The following MGAT4C variants were observed in gnomAD, a reference collection of about 807,000 sequenced individuals.
MGAT4C encodes alpha-1,3-mannosyl-glycoprotein 4-beta-N-acetylglucosaminyltransferase C.
MGAT4C carries 19 observed loss-of-function variants against 40.1 expected under a neutral mutation model. The observed-to-expected ratio is 0.47, with a 90% CI of 0.33 to 0.70. The LOEUF is 0.70. Ranked by LOEUF, MGAT4C falls within the 30% of genes least tolerant of loss-of-function variation. The pLI is 0.02. For missense variants in MGAT4C, 491 were observed against 563.2 expected, an observed-to-expected ratio of 0.87 and a Z score of 1.30; for synonymous variants, 181 against 187.1, an observed-to-expected ratio of 0.97 and a Z score of 0.27.
In MGAT4C at chr12:85,963,663, A is replaced by C. The variant is rs1883224158; in HGVS notation, c.*15626T>G. The C allele has an allele frequency of 6.6e-6, 1 of 152,058 alleles. No individual in the cohort carries two copies. The highest frequency in any genetic ancestry group is 6.6e-5 in the Admixed American group (1 of 15,242). The allele number at this position is 152,058 out of a possible 1,614,324, so 9.4% of individuals were successfully genotyped here. A position where few individuals can be genotyped will look rare whatever the true frequency, so the allele number is the denominator to read the frequency against. Reference sequence around the variant, plus strand: ...CAATAGCCATTGAAAAAATCTGAACAGATATTATTGAGGCTCAAGGTTGTT... The same window carrying C: ...CAATAGCCATTGAAAAAATCTGAACCGATATTATTGAGGCTCAAGGTTGTT... On this transcript the variant is annotated 3_prime_UTR_variant, in exon 5 of 5. Coordinates refer to ENST00000611864, the MANE Select transcript of MGAT4C (RefSeq NM_001351288.2).
At chr12:86,718,928 C>T (rs73391182) in intron 2 of MGAT4C, among the ~76,000 whole-genome samples, 6,572 of 152,148 alleles carry the variant, frequency 0.043, 172 homozygotes, top group Non-Finnish European at 0.047. Flanking sequence ...CTGCTCTACA[C>T]GGTGGCCTTA....
rs1389545149 is a variant in MGAT4C at position 85,960,712 on chromosome 12, A to T, written c.*18577T>A. On this transcript the variant is annotated 3_prime_UTR_variant, in exon 5 of 5. Transcript: ENST00000611864. Reference sequence around the variant, plus strand: ...TGTGCTGAAGGAAATGATGGCATGAACAACTCTAGATAATTTTTGTTTATT... The same window carrying T: ...TGTGCTGAAGGAAATGATGGCATGATCAACTCTAGATAATTTTTGTTTATT... The T allele has an allele frequency of 6.6e-6, 1 of 151,908 alleles. No individual in the cohort carries two copies. Among genetic ancestry groups the T allele is most frequent in the Non-Finnish European group, 1.5e-5 (1 of 67,836 alleles). 9.4% of individuals were successfully genotyped at this position (151,908 alleles called of 1,614,324 possible).
chr12:86,071,796 T>C (rs1868534820), intron 1 of MGAT4C, among the ~76,000 whole-genome samples: 1 of 152,154 alleles, frequency 6.6e-6, no homozygotes, highest in African/African-American at 2.4e-5. Flanking sequence ...CAGTAAAACG[T>C]GTTAGATCCA....
At chr12:86,683,528 A>C (rs552943570) in intron 2 of MGAT4C, among the ~76,000 whole-genome samples, 4 of 152,080 alleles carry the variant, frequency 2.6e-5, no homozygotes, top group Non-Finnish European at 5.9e-5. Flanking sequence ...AATCCAAACT[A>C]AATTATGTTT....
At chr12:86,238,587 T>C (rs933522882) in intron 1 of MGAT4C, among the ~76,000 whole-genome samples, 9 of 152,048 alleles carry the variant, frequency 5.9e-5, no homozygotes, top group African/African-American at 2.2e-4. Context: ...GATCTAAATT[T>C]GTATTGTATG....
intron 3 of MGAT4C, among the ~76,000 whole-genome samples, chr12:86,351,978 T>C (rs1425005005): frequency 2.0e-5 from 3 of 152,008 alleles, no homozygotes; most frequent in Non-Finnish European, 4.4e-5. Flanking sequence ...CTTCCTCTTC[T>C]TATAATAAAT....
intron 4 of MGAT4C, among the ~76,000 whole-genome samples, chr12:86,314,702 C>A (rs968310841): frequency 1.8e-4 from 28 of 152,218 alleles, no homozygotes; most frequent in Non-Finnish European, 3.7e-4. Context: ...ATTTCCCCAA[C>A]AACATTCAAG....
At chr12:86,022,847 T>C (rs1324735401) in intron 2 of MGAT4C, among the ~76,000 whole-genome samples, 5 of 152,012 alleles carry the variant, frequency 3.3e-5, no homozygotes, top group Non-Finnish European at 5.9e-5. Flanking sequence ...AAACATAAAA[T>C]AGGGAAATAA....
At chr12:86,008,385 A>G (rs1888110853) in intron 2 of MGAT4C, among the ~76,000 whole-genome samples, 1 of 151,976 alleles carries the variant, frequency 6.6e-6, no homozygotes, top group Admixed American at 6.5e-5. Context: ...TGTAAAATTT[A>G]TTATTAATAA....
In MGAT4C at chr12:86,837,772, C is replaced by T. The variant is rs1021660686; in HGVS notation, c.-262+894G>A. On this transcript the variant is annotated intron_variant, in intron 1 of 7. Coordinates refer to the MGAT4C transcript ENST00000548651. ...GATTACTATATGCTTCTTTTCTATT[C>T]TACACTCCCATTCTCTCTCTGATAC... Among the ~76,000 whole-genome samples the T allele has an allele frequency of 3.3e-5, 5 of 152,178 alleles. No homozygotes were observed. In the East Asian group the frequency reaches 9.7e-4, roughly 29 times the overall value.
intron 2 of MGAT4C, among the ~76,000 whole-genome samples, chr12:86,702,600 C>T (rs536932460): frequency 5.9e-4 from 90 of 152,252 alleles, no homozygotes; most frequent in African/African-American, 1.9e-3. Context: ...AAAACAAAAC[C>T]TGGATAACAG....
intron 2 of MGAT4C, among the ~76,000 whole-genome samples, chr12:86,627,083 A>G (rs1320830349): frequency 1.3e-5 from 2 of 152,206 alleles, no homozygotes; most frequent in Non-Finnish European, 2.9e-5. Flanking sequence ...TGCATGGCTC[A>G]GCTGGTCCCA....
intron 1 of MGAT4C, among the ~76,000 whole-genome samples, chr12:86,194,711 G>A (rs904515785): frequency 6.6e-6 from 1 of 151,598 alleles, no homozygotes; most frequent in Non-Finnish European, 1.5e-5. Context: ...TGATCCATCC[G>A]CCTCAGCTTC....
intron 2 of MGAT4C, among the ~76,000 whole-genome samples, chr12:86,726,876 G>T (rs1405593651): frequency 6.6e-6 from 1 of 152,086 alleles, no homozygotes; most frequent in Non-Finnish European, 1.5e-5. Flanking sequence ...TATTTCTTCT[G>T]TACACAAGTA....
intron 1 of MGAT4C, among the ~76,000 whole-genome samples, chr12:86,765,790 A>G (rs900054704): frequency 1.3e-5 from 2 of 152,188 alleles, no homozygotes; most frequent in Non-Finnish European, 2.9e-5. Flanking sequence ...AAGGAGAAAT[A>G]AAATACTTTA....
chr12:86,137,988 A>T (rs1030615165), intron 1 of MGAT4C, among the ~76,000 whole-genome samples: 2 of 152,184 alleles, frequency 1.3e-5, no homozygotes, highest in Non-Finnish European at 2.9e-5. Flanking sequence ...GATTTTCCCA[A>T]TAATCACACA....
chr12:86,293,028 CAA>C (rs1953565044), intron 4 of MGAT4C, among the ~76,000 whole-genome samples: 1 of 151,982 alleles, frequency 6.6e-6, no homozygotes, highest in Non-Finnish European at 1.5e-5. Context: ...CAATTCAAGA[CAA>C]AGAGAATATT....
chr12:86,763,403 T>C (rs1342123730), intron 1 of MGAT4C, among the ~76,000 whole-genome samples: 13 of 152,224 alleles, frequency 8.5e-5, no homozygotes, highest in Non-Finnish European at 1.5e-4. Flanking sequence ...CCTAAACCTA[T>C]GTATACTGTG....
chr12:86,283,195 A>T (rs1809484657), intron 4 of MGAT4C, among the ~76,000 whole-genome samples: 1 of 149,112 alleles, frequency 6.7e-6, no homozygotes, highest in African/African-American at 2.6e-5. Flanking sequence ...ACCACAATAA[A>T]AAAAAAAAAA....
Sources: allele counts gnomAD v4.1 joint callset (sites outside exome capture counted in the v4.1 genomes callset), GRCh38; gene constraint gnomAD v4.1.1; transcripts MANE v1.5; gene names NCBI Gene and HGNC (gene_info 2026-07-23, HGNC 2026-07-21).